Variants in CSRNP2 observed in about 807,000 individuals in gnomAD.
The protein encoded by CSRNP2 is cysteine and serine rich nuclear protein 2.
CSRNP2 carries 11 observed loss-of-function variants against 36.6 expected under a neutral mutation model. The ratio of observed to expected loss-of-function variants is 0.30; its 90% CI spans 0.19 to 0.50. The LOEUF is 0.50. Among genes scored for constraint, CSRNP2 ranks in the 20% least tolerant of loss-of-function variants. The probability of loss-of-function intolerance (pLI) is 0.98; values close to 1 mark genes in which losing one functional copy is unlikely to be tolerated. For missense variants in CSRNP2, 483 were observed against 691.4 expected (o/e 0.70, Z 3.38); for synonymous variants, 248 against 275.3 (o/e 0.90, Z 0.98).
rs1937747305 is a variant in CSRNP2, at chr12:51,063,166, ATTAAC to A, written c.*575_*579del. On this transcript the variant is annotated 3_prime_UTR_variant, in exon 5 of 5. Transcript: ENST00000228515. ...TCAGAGAACACCAAACATGTCAAAT[ATTAAC>A]TTATTTACCAAATATGGGATTGAAG... 1 of 152,174 alleles carries A rather than the reference ATTAAC, an allele frequency of 6.6e-6. No individual in the cohort carries two copies. Among genetic ancestry groups the A allele is most frequent in the Non-Finnish European group, 1.5e-5 (1 of 68,040 alleles). 9.4% of individuals were successfully genotyped at this position (152,174 alleles called of 1,614,324 possible).
Position 51,067,891 on chromosome 12 carries a change from C to T in CSRNP2, c.490G>A (p.Val164Met). 2 of 1,614,204 alleles carry T rather than the reference C, an allele frequency of 1.2e-6. No homozygotes were observed. The highest frequency in any genetic ancestry group is 8.5e-7 in the Non-Finnish European group (1 of 1,180,052). Residue 164 changes from valine to methionine, a missense_variant, in exon 4 of 5, where the codon GTG (valine) becomes ATG (methionine). Transcript: ENST00000228515. The surrounding 1 kb of genome is among the most constrained non-coding windows in gnomAD (Gnocchi z 4.1). ...TAATCATCCACCTCCACATTTTCCA[C>T]ATCAATATCTTCATCTGACACATCA... The part of the protein sequence containing the change: ...LDDVSDEDID[V>M]ENVEVDDYFF...
chr12:51,067,922 C>A lies in CSRNP2; in HGVS notation c.459G>T (p.Thr153=). 1 of 1,614,088 alleles carries A rather than the reference C, an allele frequency of 6.2e-7. No homozygotes were observed. Among genetic ancestry groups the A allele is most frequent in the Non-Finnish European group, 8.5e-7 (1 of 1,180,024 alleles). The part of the protein sequence containing the change: ...TVESVEADGL[T]LDDVSDEDID... ...TATCTTCATCTGACACATCATCCAG[C>A]GTCAGGCCATCAGCCTCCACCGACT... is the stretch of plus-strand genomic sequence containing the variant. Residue 153 remains threonine, a synonymous_variant, in exon 4 of 5, where the codon ACG becomes ACT. Transcript: ENST00000228515. This position sits in a 1 kb window ranked among gnomAD's most constrained non-coding sequence, Gnocchi z 4.1.
Position 51,076,471 on chromosome 12 carries a change from T to C in CSRNP2, c.91A>G (p.Ser31Gly), listed in dbSNP as rs1362502795. The C allele has an allele frequency of 6.2e-7, 1 of 1,613,978 alleles. No homozygotes were observed. The highest frequency in any genetic ancestry group is 1.3e-5 in the African/African-American group (1 of 74,894). The change falls in exon 2 of 5, where the codon AGC (serine) becomes GGC (glycine). Residue 31 changes from serine (S) to glycine (G), a missense_variant. This residue lies in a region of CSRNP2 where 206 missense variants were observed against 367.8 expected (regional missense o/e 0.56). Coordinates refer to ENST00000228515, the MANE Select transcript of CSRNP2 (RefSeq NM_030809.3). ...SVSNSDDEIS[S>G]SDSADSCDSL... ...TCGCAGCTGTCAGCACTATCACTGCTGGAGATCTCATCATCTGAGTTGGAA... is the reference window on the plus strand; with the variant it reads ...TCGCAGCTGTCAGCACTATCACTGCCGGAGATCTCATCATCTGAGTTGGAA...
chr12:51,069,517 C>A (rs61934805), intron 3 of CSRNP2, among the ~76,000 whole-genome samples: 1 of 149,658 alleles, frequency 6.7e-6, no homozygotes, highest in Admixed American at 6.6e-5. Flanking sequence ...GAACTCCCGA[C>A]CTCAACTGAT....
intron 3 of CSRNP2, among the ~76,000 whole-genome samples, chr12:51,072,590 A>AAAAAAAAAAG (rs1939220032): frequency 7.0e-6 from 1 of 143,298 alleles, no homozygotes; most frequent in Non-Finnish European, 1.5e-5. Context: ...AAAAAAAAAA[A>AAAAAAAAAAG]AAGAGTGGCT....
At chr12:51,074,211 G>A (rs1301005750) in intron 2 of CSRNP2, 129 bp from the exon 3 acceptor site, 20 of 1,051,444 alleles carry the variant, frequency 1.9e-5, no homozygotes, top group East Asian at 1.3e-4. Flanking sequence ...TCCACCTCCC[G>A]GGTTCAAGCA....
At chr12:51,066,586 A>T (rs1439317346) in intron 4 of CSRNP2, among the ~76,000 whole-genome samples, 1 of 151,226 alleles carries the variant, frequency 6.6e-6, no homozygotes, top group Non-Finnish European at 1.5e-5. Context: ...GGTAGCAGTG[A>T]GCCAAGATCG....
In CSRNP2 at chr12:51,063,483, C is replaced by A. The variant is rs141806451; in HGVS notation, c.*263G>T. On this transcript the variant is annotated 3_prime_UTR_variant, in exon 5 of 5. Transcript: ENST00000228515. ...TCCTGTGAGATCCTAGTTCTTTGTTCCAGTGGCCCAGAAAGCTTAATGTTC... is the reference window on the plus strand; with the variant it reads ...TCCTGTGAGATCCTAGTTCTTTGTTACAGTGGCCCAGAAAGCTTAATGTTC... 0.018 allele frequency: 4,680 copies of A among 257,774 alleles called. 72 individuals carry two copies. Among genetic ancestry groups the A allele is most frequent in the Middle Eastern group, 0.039 (33 of 840 alleles). The allele number at this position is 257,774 out of a possible 1,614,324, so 16.0% of individuals were successfully genotyped here. A position where few individuals can be genotyped will look rare whatever the true frequency, so the allele number is the denominator to read the frequency against.
chr12:51,076,327 G>T, intron 2 of CSRNP2, 84 bp downstream of exon 2: 1 of 1,466,954 alleles, frequency 6.8e-7, no homozygotes, highest in Non-Finnish European at 9.4e-7. Flanking sequence ...AAATCCCCAA[G>T]CCACACAGAC....
rs150504099 is a variant in CSRNP2 at position 51,063,525 on chromosome 12, C to A, written c.*221G>T. 146 of 374,854 alleles carry A rather than the reference C, an allele frequency of 3.9e-4. No individual in the cohort carries two copies. The Middle Eastern group carries it at 7.0e-3, about 18-fold the overall frequency. 23.2% of individuals were successfully genotyped at this position (374,854 alleles called of 1,614,324 possible). A position where few individuals can be genotyped will look rare whatever the true frequency, so the allele number is the denominator to read the frequency against. ...TTAATGTTCAGCACTACGCAGCTTT[C>A]TTTGCCCCAAGACTATCCCCAGATC... is the stretch of plus-strand genomic sequence containing the variant. On this transcript the variant is annotated 3_prime_UTR_variant, in exon 5 of 5. Coordinates refer to ENST00000228515, the MANE Select transcript of CSRNP2 (RefSeq NM_030809.3).
In CSRNP2 at chr12:51,067,434, T is replaced by C. The variant is rs1309896264; in HGVS notation, c.708+239A>G. Among the ~76,000 whole-genome samples, 4 of 151,824 alleles carry C rather than the reference T, an allele frequency of 2.6e-5. No homozygotes were observed. Among genetic ancestry groups the C allele is most frequent in the Non-Finnish European group, 5.9e-5 (4 of 67,932 alleles). On this transcript the variant is annotated intron_variant, in intron 4 of 4. Coordinates refer to ENST00000228515, the MANE Select transcript of CSRNP2 (RefSeq NM_030809.3). The surrounding 1 kb of genome is among the most constrained non-coding windows in gnomAD (Gnocchi z 4.1). ...TCAGCTCACTGCAGCCTTGACCTCC[T>C]GGACTCAAGAGATCCTCCTACCTCA...
intron 3 of CSRNP2, 75 bp downstream of exon 3, chr12:51,073,748 T>C: frequency 7.7e-7 from 1 of 1,305,054 alleles, no homozygotes; most frequent in South Asian, 1.5e-5. Context: ...AAAAAAAAAA[T>C]CAATCAACCA....
At chr12:51,076,179 T>C (rs1335225677) in intron 2 of CSRNP2, among the ~76,000 whole-genome samples, 1 of 152,186 alleles carries the variant, frequency 6.6e-6, no homozygotes, top group African/African-American at 2.4e-5. Context: ...TAGACTCCTT[T>C]TTCAATCTAA....
intron 2 of CSRNP2, among the ~76,000 whole-genome samples, chr12:51,075,470 T>C (rs1939357173): frequency 6.6e-6 from 1 of 152,146 alleles, no homozygotes; most frequent in Non-Finnish European, 1.5e-5. Context: ...TGTTGGACAA[T>C]GCAGATACAG....
intron 3 of CSRNP2, among the ~76,000 whole-genome samples, chr12:51,073,226 A>AACAT (rs112779685): frequency 0.079 from 11,894 of 150,864 alleles, 519 homozygotes; most frequent in South Asian, 0.15. Flanking sequence ...CTCAAAAGAA[A>AACAT]ACATACATAC....
intron 3 of CSRNP2, among the ~76,000 whole-genome samples, chr12:51,068,296 C>T (rs563973100): frequency 1.2e-4 from 19 of 152,112 alleles, no homozygotes; most frequent in Non-Finnish European, 2.6e-4. Context: ...GGATTACAGG[C>T]GTGAGTCACC....
intron 3 of CSRNP2, among the ~76,000 whole-genome samples, chr12:51,068,870 G>A (rs1451991624): frequency 6.6e-6 from 1 of 152,186 alleles, no homozygotes. Flanking sequence ...ACAATTATCT[G>A]TGCATGCACT....
In CSRNP2 at chr12:51,061,417, G is replaced by A. The variant is rs1948826388; in HGVS notation, c.*2329C>T. 6.6e-6 allele frequency: 1 copy of A among 152,626 alleles called. No individual in the cohort carries two copies. The highest frequency in any genetic ancestry group is 1.5e-5 in the Non-Finnish European group (1 of 68,034). 9.5% of individuals were successfully genotyped at this position (152,626 alleles called of 1,614,324 possible). A position where few individuals can be genotyped will look rare whatever the true frequency, so the allele number is the denominator to read the frequency against. ...AATAAGAGTCATTTATCTAGGCCTA[G>A]ACTGGGACTGAAGCTATCTGCTTCT... On this transcript the variant is annotated 3_prime_UTR_variant, in exon 5 of 5. Coordinates refer to ENST00000228515, the MANE Select transcript of CSRNP2 (RefSeq NM_030809.3).
intron 4 of CSRNP2, among the ~76,000 whole-genome samples, chr12:51,064,917 T>C (rs563765703): frequency 1.3e-5 from 2 of 152,344 alleles, no homozygotes; most frequent in East Asian, 3.9e-4. Context: ...CATTTATCTC[T>C]CTAGGGCTTT....
Sources: gnomAD v4.1 joint callset for allele counts (sites outside exome capture counted in the v4.1 genomes callset) on GRCh38, gnomAD v4.1.1 for gene constraint, gnomAD v4.1.1 regional missense constraint, Gnocchi (gnomAD v3.1) non-coding constraint, MANE v1.5 for transcripts, NCBI Gene and HGNC (gene_info 2026-07-23, HGNC 2026-07-21) for gene names.